GABRA5: variants seen among roughly 807,000 people sequenced by gnomAD.
GABRA5 encodes the protein gamma-aminobutyric acid type A receptor subunit alpha5, also known as gamma-aminobutyric acid receptor subunit alpha-5.
Under a neutral mutation model 47.3 loss-of-function variants are expected in GABRA5, and 18 were observed. The observed-to-expected ratio is 0.38, with a 90% CI of 0.26 to 0.56. The LOEUF is 0.56. Ranked by LOEUF, GABRA5 falls within the 20% of genes least tolerant of loss-of-function variation. The pLI, the probability that GABRA5 is intolerant of heterozygous loss-of-function variation, is 0.71. For synonymous variants in GABRA5, 237 were observed against 229.3 expected (o/e 1.03, Z -0.30); for missense variants, 365 against 599.3 (o/e 0.61, Z 4.08).
chr15:26,877,926 C>G (rs1408593452), intron 3 of GABRA5, among the ~76,000 whole-genome samples: 1 of 152,198 alleles, frequency 6.6e-6, no homozygotes, highest in Non-Finnish European at 1.5e-5. Flanking sequence ...TTTACTTCCC[C>G]AAAGAATGGA....
intron 7 of GABRA5, 42 bp from the exon 8 acceptor site, chr15:26,937,143 T>C: frequency 6.2e-7 from 1 of 1,609,486 alleles, no homozygotes; most frequent in Non-Finnish European, 8.5e-7. Context: ...AGGCTGGGAA[T>C]GATTTCATGT....
chr15:26,894,293 A>G (rs146511859), intron 6 of GABRA5, among the ~76,000 whole-genome samples: 157 of 152,160 alleles, frequency 1.0e-3, no homozygotes, highest in Middle Eastern at 6.8e-3. Context: ...AGCAACGCAA[A>G]CCTCGACTCC....
intron 7 of GABRA5, among the ~76,000 whole-genome samples, chr15:26,918,792 T>C (rs1266083898): frequency 6.6e-6 from 1 of 152,186 alleles, no homozygotes; most frequent in Non-Finnish European, 1.5e-5. Context: ...TGGCCCTTTA[T>C]CATGAGATAC....
At chr15:26,897,426 C>T (rs1405165285) in intron 6 of GABRA5, among the ~76,000 whole-genome samples, 1 of 152,096 alleles carries the variant, frequency 6.6e-6, no homozygotes, top group Non-Finnish European at 1.5e-5. Context: ...ACCATCCCTG[C>T]CAACACCTTG....
At chr15:26,902,009 G>T (rs1187629887) in intron 6 of GABRA5, among the ~76,000 whole-genome samples, 2 of 151,928 alleles carry the variant, frequency 1.3e-5, no homozygotes, top group Non-Finnish European at 2.9e-5. Flanking sequence ...TTATCTAGTT[G>T]TCTATTCTTT....
Position 26,940,056 on chromosome 15 carries a change from G to T in GABRA5, c.856G>T (p.Val286Phe). 1 of 1,613,382 alleles carries T rather than the reference G, an allele frequency of 6.2e-7. No homozygotes were observed. The highest frequency in any genetic ancestry group is 8.5e-7 in the Non-Finnish European group (1 of 1,179,598). ...QVSFWLNRES[V>F]PARTVFGVTT... ...GTCCTTTTGGCTGAACCGGGAATCA[G>T]TCCCAGCCAGGACAGTTTTTGGTGA... is the stretch of plus-strand genomic sequence containing the variant. Residue 286 changes from valine to phenylalanine, a missense_variant, in exon 9 of 11, where the codon GTC becomes TTC. Val to Phe is a conservative substitution (Grantham distance 50, BLOSUM62 -1). Coordinates refer to ENST00000335625, the MANE Select transcript of GABRA5 (RefSeq NM_000810.4).
chr15:26,936,858 A>G (rs940021265), intron 7 of GABRA5, among the ~76,000 whole-genome samples: 3 of 152,328 alleles, frequency 2.0e-5, no homozygotes, highest in Admixed American at 1.3e-4. Flanking sequence ...GTGACCTGCC[A>G]AAGTCACAGA....
intron 6 of GABRA5, among the ~76,000 whole-genome samples, chr15:26,884,673 G>A (rs1892829405): frequency 6.6e-6 from 1 of 152,066 alleles, no homozygotes; most frequent in African/African-American, 2.4e-5. Context: ...GGTGAATACT[G>A]TAACACACTG....
At chr15:26,939,289 G>C (rs546015200) in intron 8 of GABRA5, 2 of 765,184 alleles carry the variant, frequency 2.6e-6, no homozygotes, top group Non-Finnish European at 4.8e-6. Flanking sequence ...AGGTCTCCTC[G>C]TGCCTCCCAC....
chr15:26,939,518 C>A, intron 8 of GABRA5: 1 of 683,594 alleles, frequency 1.5e-6, no homozygotes, highest in Non-Finnish European at 2.7e-6. Flanking sequence ...AGCCTCTAGA[C>A]TGGAAACAGG....
At chr15:26,869,056 G>A (rs755236396) in intron 2 of GABRA5, 119 bp from the exon 3 acceptor site, 2 of 554,956 alleles carry the variant, frequency 3.6e-6, no homozygotes, top group Non-Finnish European at 6.5e-6. Flanking sequence ...GCTGTCCTGG[G>A]GAAGGACAGC....
chr15:26,938,365 C>T (rs768518470), intron 8 of GABRA5, among the ~76,000 whole-genome samples: 2 of 152,132 alleles, frequency 1.3e-5, no homozygotes, highest in East Asian at 1.9e-4. Flanking sequence ...TAAGCAATTG[C>T]GATGCTGAGG....
At chr15:26,928,010 G>A (rs143737313) in intron 7 of GABRA5, among the ~76,000 whole-genome samples, 1,581 of 152,164 alleles carry the variant, frequency 0.01, 24 homozygotes, top group African/African-American at 0.035. Context: ...GTGTCCATTC[G>A]GAAGCAAATA....
chr15:26,869,821 G>T (rs2140240125), intron 3 of GABRA5, among the ~76,000 whole-genome samples: 1 of 152,364 alleles, frequency 6.6e-6, no homozygotes, highest in South Asian at 2.1e-4. Flanking sequence ...CTAGAACTGT[G>T]ACCATCTGAA....
intron 10 of GABRA5, among the ~76,000 whole-genome samples, chr15:26,944,744 G>A (rs1290320948): frequency 2.0e-5 from 3 of 152,212 alleles, no homozygotes; most frequent in Admixed American, 2.0e-4. Context: ...ACCCTGCACT[G>A]TGTTGCTGGA....
intron 6 of GABRA5, among the ~76,000 whole-genome samples, chr15:26,893,947 G>T (rs1437787585): frequency 6.6e-6 from 1 of 152,112 alleles, no homozygotes; most frequent in Non-Finnish European, 1.5e-5. Context: ...GGTGGCCGGG[G>T]ACAGATTCCA....
intron 3 of GABRA5, among the ~76,000 whole-genome samples, chr15:26,878,770 G>A (rs1892657482): frequency 6.6e-6 from 1 of 152,072 alleles, no homozygotes; most frequent in Non-Finnish European, 1.5e-5. Context: ...TGAAACTAAT[G>A]AAAATAATTT....
chr15:26,890,322 A>G (rs1278311401), intron 6 of GABRA5, among the ~76,000 whole-genome samples: 6 of 152,200 alleles, frequency 3.9e-5, no homozygotes, highest in African/African-American at 1.4e-4. Context: ...ATATACAAAA[A>G]TGAACATGAA....
chr15:26,901,857 TC>T (rs1429198631), intron 6 of GABRA5, among the ~76,000 whole-genome samples: 1 of 152,168 alleles, frequency 6.6e-6, no homozygotes, highest in African/African-American at 2.4e-5. Flanking sequence ...TCTAGATTCA[TC>T]TTTATACATG....
Sources: allele counts gnomAD v4.1 joint callset (sites outside exome capture counted in the v4.1 genomes callset), GRCh38; gene constraint gnomAD v4.1.1; transcripts MANE v1.5; gene names NCBI Gene and HGNC (gene_info 2026-07-23, HGNC 2026-07-21).